SYTL5: variants seen among roughly 807,000 people sequenced by gnomAD.
SYTL5 encodes synaptotagmin like 5.
SYTL5 carries 34 observed loss-of-function variants against 55.9 expected under a neutral mutation model. That is an observed-to-expected ratio of 0.61 (90% CI 0.46 to 0.81). SYTL5 has a LOEUF of 0.81. Ranked by LOEUF, SYTL5 falls within the 30% of genes least tolerant of loss-of-function variation. The pLI is 0.00. For missense variants in SYTL5, 637 were observed against 546.7 expected (o/e 1.17, Z -1.65); for synonymous variants, 221 against 188.7 (o/e 1.17, Z -1.40).
the SYTL5 span, among the ~76,000 whole-genome samples, chrX:37,925,683 T>G: frequency 0.17 from 19,243 of 110,298 alleles, 3,116 homozygotes; most frequent in African/African-American, 0.52. Flanking sequence ...GTGGTGATTT[T>G]TGAGGTTTTG....
chrX:37,993,941 G>T, the SYTL5 span, among the ~76,000 whole-genome samples: 1 of 111,841 alleles, frequency 8.9e-6, no homozygotes, highest in Non-Finnish European at 1.9e-5. Context: ...CTCTCAAAAA[G>T]AAGTTCCAGT....
chrX:38,064,056 TAC>T (rs1397961477), intron 3 of SYTL5, among the ~76,000 whole-genome samples: 2 of 89,811 alleles, frequency 2.2e-5, no homozygotes, highest in Non-Finnish European at 4.2e-5. Context: ...AGTATAGATA[TAC>T]ATATATATAT....
At position 38,108,582 on chromosome X, in the gene SYTL5, A is replaced by T. The variant is rs769516309; in HGVS notation, c.1335-18A>T. On this transcript the variant is annotated intron_variant, in intron 11 of 16. Transcript: ENST00000297875. ...TAGATGTTTCACAATAATTACATTT[A>T]TATTTTCTTATCTATAGTTATGTCA... The T allele has an allele frequency of 1.9e-6, 2 of 1,080,329 alleles. No homozygotes were observed. The highest frequency in any genetic ancestry group is 2.5e-6 in the Non-Finnish European group (2 of 791,617). 89.0% of individuals were successfully genotyped at this position (1,080,329 alleles called of 1,213,427 possible).
chrX:38,122,030 A>T (rs1473979788), intron 14 of SYTL5, 50 bp from the exon 15 acceptor site: 3 of 1,053,331 alleles, frequency 2.8e-6, no homozygotes, highest in African/African-American at 1.9e-5. Context: ...TGATTTATCT[A>T]TTTTTTTTTC....
intron 3 of SYTL5, 96 bp downstream of exon 3, chrX:38,054,518 G>A: frequency 1.2e-6 from 1 of 833,103 alleles, no homozygotes; most frequent in Non-Finnish European, 1.7e-6. Flanking sequence ...TAAGTTTAAG[G>A]ATAGAGAGTG....
chrX:38,043,634 T>C (rs1935351499), intron 2 of SYTL5, among the ~76,000 whole-genome samples: 1 of 94,366 alleles, frequency 1.1e-5, no homozygotes, highest in African/African-American at 3.9e-5. Flanking sequence ...TGAATTTCCC[T>C]CCTGTAACTT....
At chrX:37,937,727 A>G in the SYTL5 span, among the ~76,000 whole-genome samples, 11 of 112,356 alleles carry the variant, frequency 9.8e-5, 1 homozygote, top group Admixed American at 9.4e-4. Context: ...CAGTGGATCA[A>G]CAGAGTACCA....
intron 1 of SYTL5, among the ~76,000 whole-genome samples, chrX:38,030,069 A>T (rs766009157): frequency 1.0e-3 from 117 of 111,632 alleles, no homozygotes; most frequent in Admixed American, 3.8e-3. Flanking sequence ...CCATCTCCAT[A>T]GGAGTCTTAT....
Position 38,110,804 on chromosome X carries a change from C to T in SYTL5, c.1596+322C>T, listed in dbSNP as rs145022458. ...TAGAGAGTCTTCATTTTCACATAGG[C>T]GAAACCAAATTCATACAGCATGAAC... On this transcript the variant is annotated intron_variant, in intron 13 of 16. Transcript: ENST00000297875. 1.3e-4 allele frequency among the ~76,000 whole-genome samples: 14 copies of T among 111,502 alleles called. 1 individual carries two copies. In the East Asian group the frequency reaches 3.4e-3, roughly 27 times the overall value.
At chrX:37,932,660 A>G in the SYTL5 span, among the ~76,000 whole-genome samples, 2 of 112,042 alleles carry the variant, frequency 1.8e-5, no homozygotes, top group Non-Finnish European at 3.8e-5. Flanking sequence ...ATATTGTCAC[A>G]TAACAACCAC....
chrX:37,926,508 T>G, the SYTL5 span, among the ~76,000 whole-genome samples: 201 of 111,411 alleles, frequency 1.8e-3, 1 homozygote, highest in African/African-American at 6.2e-3. Context: ...TCAATAAATA[T>G]TTTTTAAATG....
intron 6 of SYTL5, among the ~76,000 whole-genome samples, chrX:38,087,909 T>C (rs754147589): frequency 9.0e-6 from 1 of 111,688 alleles, no homozygotes; most frequent in African/African-American, 3.2e-5. Context: ...TGTGTATGCA[T>C]GTGTGTTTGT....
intron 9 of SYTL5, among the ~76,000 whole-genome samples, chrX:38,097,195 G>T (rs948842283): frequency 9.9e-5 from 11 of 110,916 alleles, no homozygotes; most frequent in African/African-American, 3.6e-4. Context: ...ATAGCAATAA[G>T]TAAGTTTTAT....
At chrX:38,029,286 C>A (rs1489753521) in intron 1 of SYTL5, among the ~76,000 whole-genome samples, 1 of 112,218 alleles carries the variant, frequency 8.9e-6, no homozygotes, top group Non-Finnish European at 1.9e-5. Context: ...TAACTTCAAA[C>A]AATCCTTTAA....
chrX:38,098,243 C>T lies in SYTL5; in HGVS notation c.1062+2009C>T, dbSNP rs138762653. On this transcript the variant is annotated intron_variant, in intron 9 of 16. Coordinates refer to ENST00000297875, the MANE Select transcript of SYTL5 (RefSeq NM_138780.3). ...GTTTACACTTCAAAAGACACCACTA[C>T]AGATGTGAAAAGTCAAGCCACAGAC... Among the ~76,000 whole-genome samples the T allele has an allele frequency of 5.4e-5, 6 of 111,255 alleles. No homozygotes were observed. The East Asian group carries it at 1.7e-3, about 31-fold the overall frequency.
the SYTL5 span, among the ~76,000 whole-genome samples, chrX:37,897,419 G>A: frequency 9.4e-6 from 1 of 106,162 alleles, no homozygotes; most frequent in Non-Finnish European, 1.9e-5. Context: ...GGAAGCAGAG[G>A]TTGCAGTGAG....
the SYTL5 span, among the ~76,000 whole-genome samples, chrX:37,897,589 A>G: frequency 1.8e-5 from 2 of 111,419 alleles, no homozygotes; most frequent in African/African-American, 3.3e-5. Flanking sequence ...AAAAACTGAC[A>G]TGAGCTGAAC....
At chrX:37,921,538 C>A in the SYTL5 span, among the ~76,000 whole-genome samples, 1 of 111,623 alleles carries the variant, frequency 9.0e-6, no homozygotes. Flanking sequence ...TCATTAAGAT[C>A]AAATCTGGTC....
chrX:38,008,943 GA>G (rs1442816664), intron 1 of SYTL5, among the ~76,000 whole-genome samples: 1 of 111,966 alleles, frequency 8.9e-6, no homozygotes, highest in Non-Finnish European at 1.9e-5. Flanking sequence ...GTCTAGTTAG[GA>G]AGGGTGTTAA....
Sources: allele counts gnomAD v4.1 joint callset (sites outside exome capture counted in the v4.1 genomes callset), GRCh38; gene constraint gnomAD v4.1.1; transcripts MANE v1.5; gene names NCBI Gene and HGNC (gene_info 2026-07-23, HGNC 2026-07-21).